SND1: variants seen among roughly 807,000 people sequenced by gnomAD.
SND1 encodes staphylococcal nuclease domain-containing protein 1.
In SND1, 38 loss-of-function variants were observed where a neutral mutation model predicts 121.7. The ratio of observed to expected loss-of-function variants is 0.31; its 90% CI spans 0.24 to 0.41. SND1 has a LOEUF of 0.41. SND1 is among the 10% of genes least tolerant of loss of function. The pLI, the probability that SND1 is intolerant of heterozygous loss-of-function variation, is 1.00. For synonymous variants in SND1, 401 were observed against 447.4 expected, an observed-to-expected ratio of 0.90 and a Z score of 1.31; for missense variants, 868 against 1,184.6, an observed-to-expected ratio of 0.73 and a Z score of 3.92.
intron 10 of SND1, among the ~76,000 whole-genome samples, chr7:127,795,414 T>C (rs1414844340): frequency 6.6e-6 from 1 of 152,232 alleles, no homozygotes; most frequent in Non-Finnish European, 1.5e-5. Context: ...TTGAGGAAGC[T>C]AGTTCTTTTG....
At chr7:127,714,905 C>G (rs1796360776) in intron 9 of SND1, among the ~76,000 whole-genome samples, 1 of 152,192 alleles carries the variant, frequency 6.6e-6, no homozygotes, top group Non-Finnish European at 1.5e-5. Context: ...TCCATGGGGA[C>G]ACACTTGGGT....
intron 10 of SND1, among the ~76,000 whole-genome samples, chr7:127,768,770 G>A (rs1334200372): frequency 2.0e-5 from 3 of 152,146 alleles, no homozygotes; most frequent in Non-Finnish European, 2.9e-5. Context: ...GACGAAAATT[G>A]TATATAGTGA....
intron 16 of SND1, among the ~76,000 whole-genome samples, chr7:128,063,794 G>T (rs1222279439): frequency 6.6e-6 from 1 of 152,242 alleles, no homozygotes; most frequent in East Asian, 1.9e-4. Context: ...TACAGGTGAA[G>T]TCATAGGACG....
At chr7:127,748,108 C>G (rs1384643870) in intron 10 of SND1, among the ~76,000 whole-genome samples, 1 of 152,168 alleles carries the variant, frequency 6.6e-6, no homozygotes, top group African/African-American at 2.4e-5. Flanking sequence ...CACAAACTTG[C>G]ATGAAAATAG....
chr7:127,931,448 A>G (rs1311037838), intron 15 of SND1, among the ~76,000 whole-genome samples: 1 of 152,218 alleles, frequency 6.6e-6, no homozygotes, highest in African/African-American at 2.4e-5. Context: ...ATGAGGTTTA[A>G]GGAGAGAAGC....
intron 15 of SND1, among the ~76,000 whole-genome samples, chr7:127,978,844 G>A (rs1163871871): frequency 1.3e-5 from 2 of 151,934 alleles, no homozygotes; most frequent in Non-Finnish European, 2.9e-5. Context: ...ACACCACCAC[G>A]CCTGGCCAAT....
intron 12 of SND1, among the ~76,000 whole-genome samples, chr7:127,857,591 G>T (rs1799304207): frequency 6.6e-6 from 1 of 151,714 alleles, no homozygotes; most frequent in Non-Finnish European, 1.5e-5. Context: ...GAGGCCACGG[G>T]ACCCCTGACA....
intron 10 of SND1, among the ~76,000 whole-genome samples, chr7:127,733,971 G>A (rs376812812): frequency 1.8e-4 from 27 of 152,042 alleles, no homozygotes; most frequent in African/African-American, 4.8e-4. Context: ...ATCTCTGATC[G>A]GAATGTTCAT....
chr7:127,750,192 A>G (rs1244488959), intron 10 of SND1, among the ~76,000 whole-genome samples: 1 of 152,248 alleles, frequency 6.6e-6, no homozygotes, highest in Non-Finnish European at 1.5e-5. Context: ...TTGGTTATGT[A>G]AAGATTCATT....
At chr7:127,807,700 C>G (rs1798261441) in intron 11 of SND1, 127 bp downstream of exon 11, 3 of 733,564 alleles carry the variant, frequency 4.1e-6, no homozygotes, top group Admixed American at 4.3e-5. Context: ...AATGGAATTA[C>G]TTTGATATGA....
At position 128,029,145 on chromosome 7, in the gene SND1, C is replaced by T. The variant is rs1410443521; in HGVS notation, c.1779+38089C>T. ...GGGTACTGCCACCTGCTTGGGCACA[C>T]GGGTAGTCTGAATGAGCACCGTGGT... On this transcript the variant is annotated intron_variant, in intron 16 of 23. Coordinates refer to ENST00000354725, the MANE Select transcript of SND1 (RefSeq NM_014390.4). This position sits in a 1 kb window ranked among gnomAD's most constrained non-coding sequence, Gnocchi z 4.2. The T allele has an allele frequency of 1.9e-6, 3 of 1,613,906 alleles. No individual in the cohort carries two copies. The highest frequency in any genetic ancestry group is 1.7e-5 in the Admixed American group (1 of 59,990).
intron 8 of SND1, among the ~76,000 whole-genome samples, 189 bp downstream of exon 8, chr7:127,705,134 G>A (rs1020045187): frequency 6.6e-6 from 1 of 152,150 alleles, no homozygotes; most frequent in South Asian, 2.1e-4. Flanking sequence ...AATGCTGGAT[G>A]GTAAGGACTT....
intron 1 of SND1, among the ~76,000 whole-genome samples, chr7:127,674,096 C>A: frequency 6.6e-6 from 1 of 151,454 alleles, no homozygotes; most frequent in Non-Finnish European, 1.5e-5. Context: ...CTTCCTCTCT[C>A]CCTTCCTGCC....
intron 17 of SND1, among the ~76,000 whole-genome samples, chr7:128,077,531 C>T (rs1307111152): frequency 3.3e-5 from 5 of 152,214 alleles, no homozygotes; most frequent in African/African-American, 1.2e-4. Context: ...GGCCTCCATC[C>T]ACCCTTCCCA....
chr7:127,999,366 TTG>T (rs1400355375), intron 16 of SND1: 1 of 147,842 alleles, frequency 6.8e-6, no homozygotes, highest in Admixed American at 6.9e-5. Context: ...TCAGATCAAT[TTG>T]TTTTTCTTAA....
At chr7:128,071,107 G>T (rs1793402599) in intron 16 of SND1, among the ~76,000 whole-genome samples, 1 of 152,286 alleles carries the variant, frequency 6.6e-6, no homozygotes, top group Non-Finnish European at 1.5e-5. Flanking sequence ...GAGCTGAAGT[G>T]CTGTCTAGTG....
Position 128,029,012 on chromosome 7 carries a change from C to T in SND1, c.1779+37956C>T. 1 of 1,613,670 alleles carries T rather than the reference C, an allele frequency of 6.2e-7. No individual in the cohort carries two copies. On this transcript the variant is annotated intron_variant, in intron 16 of 23. Coordinates refer to ENST00000354725, the MANE Select transcript of SND1 (RefSeq NM_014390.4). The surrounding 1 kb of genome is among the most constrained non-coding windows in gnomAD (Gnocchi z 4.2). ...TACGAAGTTTATAGAAGACAATCAA[C>T]ATGGCGGCAGCTAGCAGAGTCACTG... is the stretch of plus-strand genomic sequence containing the variant.
intron 14 of SND1, among the ~76,000 whole-genome samples, chr7:127,920,447 G>C (rs1800677585): frequency 6.6e-6 from 1 of 152,158 alleles, no homozygotes; most frequent in South Asian, 2.1e-4. Context: ...TCTCTAACTG[G>C]AGGGCTATCA....
chr7:128,009,954 G>C (rs558881652), intron 16 of SND1, among the ~76,000 whole-genome samples: 1 of 152,250 alleles, frequency 6.6e-6, no homozygotes, highest in African/African-American at 2.4e-5. Flanking sequence ...CTAATACCAA[G>C]TGTTTCCCAC....
Sources: gnomAD v4.1 joint callset for allele counts (sites outside exome capture counted in the v4.1 genomes callset) on GRCh38, gnomAD v4.1.1 for gene constraint, Gnocchi (gnomAD v3.1) non-coding constraint, MANE v1.5 for transcripts, NCBI Gene and HGNC (gene_info 2026-07-23, HGNC 2026-07-21) for gene names.